Variants in PCDH15 observed in about 807,000 individuals in gnomAD.
PCDH15 encodes protocadherin-15.
PCDH15 carries 129 observed loss-of-function variants against 178.5 expected under a neutral mutation model. The ratio of observed to expected loss-of-function variants is 0.72; its 90% CI spans 0.63 to 0.84. The LOEUF is 0.84. Ranked by LOEUF, PCDH15 falls within the 40% of genes least tolerant of loss-of-function variation. The pLI is 0.00. For synonymous variants in PCDH15, 800 were observed against 732.0 expected, an observed-to-expected ratio of 1.09 and a Z score of -1.50; for missense variants, 2,230 against 2,099.9, an observed-to-expected ratio of 1.06 and a Z score of -1.21.
chr10:55,588,945 G>T (rs1352783855), intron 2 of PCDH15, among the ~76,000 whole-genome samples: 1 of 151,964 alleles, frequency 6.6e-6, no homozygotes, highest in East Asian at 1.9e-4. Context: ...GCCTGGCGTG[G>T]TGCCACATGC....
intron 3 of PCDH15, among the ~76,000 whole-genome samples, chr10:54,467,601 G>GTTTTTTTTTTTTTTTTTTTTT (rs67776985): frequency 3.1e-4 from 14 of 45,692 alleles, no homozygotes; most frequent in East Asian, 1.4e-3. Context: ...TCAAGCTGTA[G>GTTTTTTTTTTTTTTTTTTTTT]TTTTTTTTTT....
chr10:55,596,388 C>T (rs1842935828), intron 2 of PCDH15, among the ~76,000 whole-genome samples: 1 of 152,014 alleles, frequency 6.6e-6, no homozygotes, highest in Non-Finnish European at 1.5e-5. Flanking sequence ...CTAGATCTCA[C>T]TGTATTTTAG....
At chr10:54,769,544 T>C (rs1266532797) in intron 1 of PCDH15, among the ~76,000 whole-genome samples, 1 of 151,744 alleles carries the variant, frequency 6.6e-6, no homozygotes, top group Non-Finnish European at 1.5e-5. Flanking sequence ...TATTTTCTTA[T>C]GGGTGGGATG....
At chr10:55,606,477 C>A (rs1211546153) in intron 2 of PCDH15, among the ~76,000 whole-genome samples, 3 of 150,438 alleles carry the variant, frequency 2.0e-5, no homozygotes, top group African/African-American at 7.4e-5. Flanking sequence ...GGAGGCATCA[C>A]ACTACCTGAC....
intron 3 of PCDH15, among the ~76,000 whole-genome samples, chr10:54,881,739 A>C (rs1954266050): frequency 6.6e-6 from 1 of 152,170 alleles, no homozygotes; most frequent in African/African-American, 2.4e-5. Flanking sequence ...TTTAAAGATT[A>C]CATTGAATTA....
At chr10:55,248,695 T>C (rs1841748571) in intron 1 of PCDH15, among the ~76,000 whole-genome samples, 2 of 152,120 alleles carry the variant, frequency 1.3e-5, no homozygotes, top group Admixed American at 6.6e-5. Flanking sequence ...TAGCTGGGAT[T>C]ACAGGCCTGT....
At position 54,746,648 on chromosome 10, in the gene PCDH15, G is replaced by C. The variant is rs560913144; in HGVS notation, c.-29+54277C>G. 2.0e-5 allele frequency among the ~76,000 whole-genome samples: 3 copies of C among 152,238 alleles called. No individual in the cohort carries two copies. In the East Asian group the frequency reaches 5.8e-4, roughly 29 times the overall value. On this transcript the variant is annotated intron_variant, in intron 1 of 37. Transcript: ENST00000644397. ...TTAATGAAAGGTTTCTATGACTCAT[G>C]TGCAAATATAATTATAATCTTAGTG...
At chr10:55,054,266 G>T (rs1181811851) in intron 2 of PCDH15, among the ~76,000 whole-genome samples, 1 of 152,166 alleles carries the variant, frequency 6.6e-6, no homozygotes, top group East Asian at 1.9e-4. Context: ...TTACAAGTGA[G>T]AATAGGTGGC....
chr10:53,870,083 A>G (rs1157170775), intron 26 of PCDH15, among the ~76,000 whole-genome samples: 1 of 152,206 alleles, frequency 6.6e-6, no homozygotes, highest in Non-Finnish European at 1.5e-5. Context: ...TTGGTATATT[A>G]AGCTACTTTA....
intron 26 of PCDH15, among the ~76,000 whole-genome samples, chr10:53,878,752 G>C (rs2080470862): frequency 6.6e-6 from 1 of 151,874 alleles, no homozygotes; most frequent in Non-Finnish European, 1.5e-5. Context: ...TTTCACTGTG[G>C]TACCACGTGC....
intron 1 of PCDH15, among the ~76,000 whole-genome samples, chr10:55,289,159 C>T (rs1379142603): frequency 6.6e-6 from 1 of 151,950 alleles, no homozygotes; most frequent in Non-Finnish European, 1.5e-5. Context: ...AGAGAAGACA[C>T]CTCTGTATTT....
At position 54,664,304 on chromosome 10, in the gene PCDH15, AG is replaced by A. The variant is rs1326671386; in HGVS notation, c.-28-15del. On this transcript the variant is annotated splice_polypyrimidine_tract_variant and intron_variant, in intron 1 of 37. Coordinates refer to ENST00000644397, the MANE Select transcript of PCDH15 (RefSeq NM_001384140.1). ...CTCAAAGCTGATCTGAAATAAGAAA[AG>A]GTAGAAAGAAACATTTGACATGTTC... 6 of 1,485,178 alleles carry A rather than the reference AG, an allele frequency of 4.0e-6. No individual in the cohort carries two copies. In the African/African-American group the frequency reaches 7.0e-5, roughly 17 times the overall value. The allele number at this position is 1,485,178 out of a possible 1,614,324, so 92.0% of individuals were successfully genotyped here. A position where few individuals can be genotyped will look rare whatever the true frequency, so the allele number is the denominator to read the frequency against.
In PCDH15 at chr10:54,877,193, T is replaced by C. The variant is rs1393625356; in HGVS notation, c.-29+20257A>G. On this transcript the variant is annotated intron_variant, in intron 3 of 5. Transcript: ENST00000458638. ...TTAAAGAAGCTTTCTAGATATATGT[T>C]GTGACACAGTTAATAGACTAAATTT... Among the ~76,000 whole-genome samples, 3 of 152,210 alleles carry C rather than the reference T, an allele frequency of 2.0e-5. No homozygotes were observed. The East Asian group carries it at 5.8e-4, about 29-fold the overall frequency.
intron 3 of PCDH15, among the ~76,000 whole-genome samples, chr10:54,437,172 T>C (rs1230917679): frequency 6.6e-6 from 1 of 152,146 alleles, no homozygotes; most frequent in Non-Finnish European, 1.5e-5. Flanking sequence ...TAATCTTCAT[T>C]TGAAGCAAGC....
intron 6 of PCDH15, among the ~76,000 whole-genome samples, chr10:54,332,376 A>AAT (rs200231042): frequency 0.057 from 1,576 of 27,782 alleles, 172 homozygotes; most frequent in Middle Eastern, 0.23. Context: ...TTATATATAT[A>AAT]ATATATATAT....
Position 54,674,604 on chromosome 10 carries a change from C to G in PCDH15, c.-28-10314G>C, listed in dbSNP as rs563620572. 1.1e-4 allele frequency among the ~76,000 whole-genome samples: 16 copies of G among 152,198 alleles called. No individual in the cohort carries two copies. The East Asian group carries it at 3.1e-3, about 29-fold the overall frequency. On this transcript the variant is annotated intron_variant, in intron 1 of 37. Transcript: ENST00000644397. The stretch of plus-strand genomic sequence containing the variant: ...TTAAAGAAATGATCAACCTTCTCAA[C>G]TGGCACAATGTGAAGATGGATAATT...
At chr10:53,945,487 T>C (rs56287949) in intron 23 of PCDH15, among the ~76,000 whole-genome samples, 102,208 of 152,004 alleles carry the variant, frequency 0.67, 34,857 homozygotes, top group East Asian at 0.87. Context: ...ATGGTCACCA[T>C]GTTGTAAAAG....
Position 54,329,671 on chromosome 10 carries a change from C to G in PCDH15, c.630G>C (p.Leu210Phe). 6.2e-7 allele frequency: 1 copy of G among 1,607,976 alleles called. No individual in the cohort carries two copies. The highest frequency in any genetic ancestry group is 1.1e-5 in the South Asian group (1 of 90,944). ...SNDTFEIPLM[L>F]TGNIVLRKRL... ...TCTTCCTTAACACTATATTTCCAGT[C>G]AACATTAGGGGAATTTCAAAGGTGT... is the stretch of plus-strand genomic sequence containing the variant. The change falls in exon 7 of 38, where the codon TTG (leucine) becomes TTC (phenylalanine). Residue 210 changes from leucine (L) to phenylalanine (F), a missense_variant. By Grantham distance (22) the Leu-to-Phe change is conservative. Transcript: ENST00000644397.
At chr10:55,022,284 T>C (rs1362351811) in intron 2 of PCDH15, among the ~76,000 whole-genome samples, 2 of 151,784 alleles carry the variant, frequency 1.3e-5, no homozygotes, top group African/African-American at 4.8e-5. Flanking sequence ...AAACCCTGTA[T>C]CTACTAAAAA....
Sources: allele counts gnomAD v4.1 joint callset (sites outside exome capture counted in the v4.1 genomes callset), GRCh38; gene constraint gnomAD v4.1.1; transcripts MANE v1.5; gene names NCBI Gene and HGNC (gene_info 2026-07-23, HGNC 2026-07-21).